Variants in BLTP1 observed in about 807,000 individuals in gnomAD.
BLTP1 encodes bridge-like lipid transfer protein family member 1, also known as fragile site-associated protein.
the BLTP1 span, among the ~76,000 whole-genome samples, chr4:122,228,529 C>G: frequency 6.6e-6 from 1 of 152,154 alleles, no homozygotes; most frequent in Non-Finnish European, 1.5e-5. Context: ...AGTTCTGGCT[C>G]TGCCACTAAT....
the BLTP1 span, chr4:122,353,075 G>A: frequency 1.2e-6 from 2 of 1,613,926 alleles, no homozygotes; most frequent in Non-Finnish European, 1.7e-6. The surrounding 1 kb of genome is among the most constrained non-coding windows in gnomAD (Gnocchi z 4.3). Context: ...CCAAATTTTC[G>A]TTCAAAATCT....
At chr4:122,211,112 C>A in the BLTP1 span, 1 of 1,589,678 alleles carries the variant, frequency 6.3e-7, no homozygotes. Context: ...TTCTTAAAAA[C>A]AACTTACATA....
At chr4:122,241,950 C>A in the BLTP1 span, among the ~76,000 whole-genome samples, 1 of 151,894 alleles carries the variant, frequency 6.6e-6, no homozygotes, top group Non-Finnish European at 1.5e-5. Context: ...AGAACATAGG[C>A]CATTGTCAGA....
chr4:122,287,782 G>A, the BLTP1 span: 6 of 794,244 alleles, frequency 7.6e-6, no homozygotes, highest in African/African-American at 1.9e-5. Context: ...ACAAGTGTAC[G>A]AAAAAATAGT....
chr4:122,162,962 G>A, the BLTP1 span, among the ~76,000 whole-genome samples: 2 of 152,126 alleles, frequency 1.3e-5, no homozygotes, highest in African/African-American at 4.8e-5. Flanking sequence ...ACATATGTAT[G>A]CTCTGGATTG....
At chr4:122,261,805 G>A in the BLTP1 span, 3 of 981,350 alleles carry the variant, frequency 3.1e-6, no homozygotes, top group Non-Finnish European at 2.4e-6. Context: ...TGCTTATCAA[G>A]TGTTTAATAC....
chr4:122,165,875 T>C, the BLTP1 span, among the ~76,000 whole-genome samples: 1 of 150,552 alleles, frequency 6.6e-6, no homozygotes, highest in Non-Finnish European at 1.5e-5. Flanking sequence ...TGTCTTCTTT[T>C]GAGAAGTGTC....
the BLTP1 span, among the ~76,000 whole-genome samples, chr4:122,231,414 T>C: frequency 6.6e-6 from 1 of 152,160 alleles, no homozygotes. Flanking sequence ...TTCGATTTCT[T>C]CACTTGTGAA....
the BLTP1 span, chr4:122,336,881 C>G: frequency 6.3e-7 from 1 of 1,593,462 alleles, no homozygotes; most frequent in Non-Finnish European, 8.5e-7. Context: ...TTTTAAACAG[C>G]TGTCAGCTCA....
chr4:122,328,719 T>A, the BLTP1 span: 1 of 983,808 alleles, frequency 1.0e-6, no homozygotes, highest in Admixed American at 6.2e-5. Flanking sequence ...TGAAGGCTAG[T>A]TAAGAAAAGT....
the BLTP1 span, chr4:122,331,149 T>C: frequency 2.1e-6 from 2 of 932,346 alleles, no homozygotes; most frequent in South Asian, 5.0e-5. Context: ...TGGCATATAA[T>C]AGTTATTCAG....
the BLTP1 span, chr4:122,340,574 G>C: frequency 4.6e-6 from 1 of 216,362 alleles, no homozygotes; most frequent in South Asian, 1.7e-4. Context: ...GTATTTACTT[G>C]TATTAATGGG....
chr4:122,273,342 A>G, the BLTP1 span: 17 of 984,626 alleles, frequency 1.7e-5, no homozygotes, highest in Non-Finnish European at 1.9e-5. Context: ...TGGGATTGAC[A>G]TGGTGAACCA....
At chr4:122,174,783 G>A in the BLTP1 span, 3 of 736,124 alleles carry the variant, frequency 4.1e-6, no homozygotes, top group Non-Finnish European at 6.2e-6. Flanking sequence ...TTTTTTTCCA[G>A]TAAATCATAC....
the BLTP1 span, among the ~76,000 whole-genome samples, chr4:122,259,271 T>C: frequency 1.3e-5 from 2 of 152,178 alleles, no homozygotes; most frequent in Non-Finnish European, 2.9e-5. Context: ...GTGGTTAGAG[T>C]ACCACCTTGC....
chr4:122,356,062 G>A, the BLTP1 span: 1 of 1,142,404 alleles, frequency 8.8e-7, no homozygotes, highest in South Asian at 1.9e-5. Flanking sequence ...GTGTTCCCAT[G>A]GATTTTTTGT....
At chr4:122,214,452 T>G in the BLTP1 span, 1 of 960,310 alleles carries the variant, frequency 1.0e-6, no homozygotes, top group Non-Finnish European at 1.2e-6. Context: ...TAAGCTTACA[T>G]GCCATCTATT....
chr4:122,189,313 G>A, the BLTP1 span: 5 of 979,796 alleles, frequency 5.1e-6, no homozygotes, highest in Non-Finnish European at 6.1e-6. Context: ...ATATTGTGAT[G>A]TATGTATGAC....
At chr4:122,177,201 A>G in the BLTP1 span, among the ~76,000 whole-genome samples, 1 of 152,192 alleles carries the variant, frequency 6.6e-6, no homozygotes, top group Non-Finnish European at 1.5e-5. Flanking sequence ...CAGCAAGTCT[A>G]TCTTTTCTAT....
Sources: gnomAD v4.1 joint callset for allele counts (sites outside exome capture counted in the v4.1 genomes callset) on GRCh38, gnomAD v4.1.1 for gene constraint, Gnocchi (gnomAD v3.1) non-coding constraint, MANE v1.5 for transcripts, NCBI Gene and HGNC (gene_info 2026-07-23, HGNC 2026-07-21) for gene names.